GLIS3: variants seen among roughly 807,000 people sequenced by gnomAD.
The protein encoded by GLIS3 is GLIS family zinc finger 3.
A neutral mutation model predicts 78.6 loss-of-function variants in GLIS3; 53 were observed. The observed-to-expected ratio is 0.67, with a 90% CI of 0.54 to 0.85. The LOEUF (loss-of-function observed/expected upper bound fraction) is 0.85. GLIS3 is among the 40% of genes least tolerant of loss of function. The pLI, the probability that GLIS3 is intolerant of heterozygous loss-of-function variation, is 0.00. For missense variants in GLIS3, 1,703 were observed against 1,231.1 expected (o/e 1.38, Z -5.74); for synonymous variants, 684 against 509.9 (o/e 1.34, Z -4.60).
chr9:4,121,521 G>A lies in GLIS3; in HGVS notation c.597-2640C>T, dbSNP rs187105054. ...CTCACAAAGCATTTTCCCTATATAT[G>A]ATCTCATTTGATACAACCTGTCAGT... On this transcript the variant is annotated intron_variant, in intron 3 of 10. Transcript: ENST00000381971. Among the ~76,000 whole-genome samples, 232 of 152,012 alleles carry A rather than the reference G, an allele frequency of 1.5e-3. 2 individuals are homozygous for A. Among genetic ancestry groups the A allele is most frequent in the African/African-American group, 5.1e-3 (211 of 41,442 alleles).
At chr9:3,882,395 T>A (rs978826380) in intron 7 of GLIS3, among the ~76,000 whole-genome samples, 6 of 152,082 alleles carry the variant, frequency 3.9e-5, no homozygotes, top group Non-Finnish European at 7.4e-5. Flanking sequence ...ATACCCAACA[T>A]CAGGGTATCA....
intron 6 of GLIS3, among the ~76,000 whole-genome samples, chr9:3,928,115 C>A (rs624290): frequency 6.6e-6 from 1 of 152,088 alleles, no homozygotes; most frequent in Non-Finnish European, 1.5e-5. Context: ...AAATCAGTGC[C>A]GTTTCAATGT....
At chr9:4,165,070 A>T (rs181647616) in intron 2 of GLIS3, among the ~76,000 whole-genome samples, 77 of 152,252 alleles carry the variant, frequency 5.1e-4, no homozygotes, top group African/African-American at 1.8e-3. Flanking sequence ...GAGAGGCTCT[A>T]ACATACTTTG....
chr9:4,108,182 C>A (rs903702205), intron 4 of GLIS3, among the ~76,000 whole-genome samples: 1 of 152,148 alleles, frequency 6.6e-6, no homozygotes, highest in African/African-American at 2.4e-5. Flanking sequence ...TCTTTCACCT[C>A]CATTTCTCTG....
At chr9:3,881,768 C>A (rs954144420) in intron 7 of GLIS3, among the ~76,000 whole-genome samples, 1 of 152,134 alleles carries the variant, frequency 6.6e-6, no homozygotes, top group Non-Finnish European at 1.5e-5. Flanking sequence ...TGTGTTCCTG[C>A]CCTTGGGGAA....
At chr9:4,047,684 A>G (rs1563983918) in intron 4 of GLIS3, among the ~76,000 whole-genome samples, 1 of 152,136 alleles carries the variant, frequency 6.6e-6, no homozygotes, top group Non-Finnish European at 1.5e-5. Flanking sequence ...TAATATAACG[A>G]TGTCAGTATG....
chr9:4,349,350 T>C (rs1236186580), upstream of GLIS3, among the ~76,000 whole-genome samples: 2 of 152,260 alleles, frequency 1.3e-5, no homozygotes, highest in African/African-American at 4.8e-5. Flanking sequence ...TTGACTCTTC[T>C]AAATGCTTTA....
chr9:4,128,834 C>G (rs1262132299), intron 2 of GLIS3, among the ~76,000 whole-genome samples: 1 of 152,192 alleles, frequency 6.6e-6, no homozygotes, highest in Non-Finnish European at 1.5e-5. Flanking sequence ...CCTAGTATCT[C>G]CACATTCTTA....
the GLIS3 span, among the ~76,000 whole-genome samples, chr9:4,411,340 C>A: frequency 2.0e-5 from 3 of 152,184 alleles, no homozygotes; most frequent in African/African-American, 7.2e-5. Flanking sequence ...TCCACACGAC[C>A]TCCCAACTGT....
chr9:4,186,117 A>G (rs1454929184), intron 2 of GLIS3, among the ~76,000 whole-genome samples: 1 of 151,462 alleles, frequency 6.6e-6, no homozygotes, highest in Non-Finnish European at 1.5e-5. Context: ...GTCATTTAGC[A>G]TTAGGTATAT....
At chr9:3,843,523 T>C (rs1818849151) in intron 9 of GLIS3, among the ~76,000 whole-genome samples, 1 of 152,204 alleles carries the variant, frequency 6.6e-6, no homozygotes, top group Non-Finnish European at 1.5e-5. Flanking sequence ...ATCTCTGTTA[T>C]CTCCATCTGG....
chr9:4,270,524 G>C (rs141176792), intron 2 of GLIS3, among the ~76,000 whole-genome samples: 11 of 152,280 alleles, frequency 7.2e-5, no homozygotes, highest in Admixed American at 1.3e-4. Context: ...CAGGGTTGTT[G>C]ACAGAATGCA....
At chr9:3,970,145 A>G (rs1160929836) in intron 4 of GLIS3, among the ~76,000 whole-genome samples, 1 of 152,252 alleles carries the variant, frequency 6.6e-6, no homozygotes, top group East Asian at 1.9e-4. Context: ...GGTGGTTTTC[A>G]GAGCTGGTAC....
intron 6 of GLIS3, among the ~76,000 whole-genome samples, chr9:3,926,234 T>TG (rs1267697144): frequency 5.5e-3 from 264 of 47,652 alleles, no homozygotes; most frequent in Non-Finnish European, 0.012. Context: ...TTTTCTTTTG[T>TG]TTTTTTTTTT....
intron 4 of GLIS3, among the ~76,000 whole-genome samples, chr9:4,102,231 T>C (rs940994409): frequency 3.3e-5 from 5 of 152,196 alleles, no homozygotes; most frequent in African/African-American, 1.2e-4. Context: ...TCCTTCCTAC[T>C]ATAATTCTGG....
chr9:4,444,080 G>C, the GLIS3 span, among the ~76,000 whole-genome samples: 1 of 152,194 alleles, frequency 6.6e-6, no homozygotes, highest in Non-Finnish European at 1.5e-5. Flanking sequence ...CAAGAGAAGA[G>C]TAACCTCTTG....
At chr9:4,262,389 CA>C (rs1477879876) in intron 2 of GLIS3, among the ~76,000 whole-genome samples, 2 of 152,036 alleles carry the variant, frequency 1.3e-5, no homozygotes, top group Non-Finnish European at 2.9e-5. Context: ...GGATGCAGGG[CA>C]GCAAACAAGC....
chr9:3,936,890 C>T, intron 5 of GLIS3, 138 bp downstream of exon 5: 1 of 1,163,192 alleles, frequency 8.6e-7, no homozygotes, highest in Non-Finnish European at 1.3e-6. Context: ...GGCCTTTTAC[C>T]AGGCTCCACT....
At chr9:4,431,710 G>A in the GLIS3 span, among the ~76,000 whole-genome samples, 1 of 152,108 alleles carries the variant, frequency 6.6e-6, no homozygotes, top group Admixed American at 6.5e-5. Flanking sequence ...CAGGTGTGGT[G>A]GCACATGCCT....
Sources: gnomAD v4.1 joint callset for allele counts (sites outside exome capture counted in the v4.1 genomes callset) on GRCh38, gnomAD v4.1.1 for gene constraint, MANE v1.5 for transcripts, NCBI Gene and HGNC (gene_info 2026-07-23, HGNC 2026-07-21) for gene names.